USO1: variants seen among roughly 807,000 people sequenced by gnomAD.
The protein encoded by USO1 is general vesicular transport factor p115.
In USO1, 57 loss-of-function variants were observed where a neutral mutation model predicts 124.5. The observed-to-expected ratio is 0.46, with a 90% CI of 0.37 to 0.57. The LOEUF is 0.57. USO1 is among the 20% of genes least tolerant of loss of function. The probability of loss-of-function intolerance (pLI) is 0.00; values close to 1 mark genes in which losing one functional copy is unlikely to be tolerated. For synonymous variants in USO1, 369 were observed against 362.8 expected (o/e 1.02, Z -0.19); for missense variants, 900 against 1,040.6 (o/e 0.86, Z 1.86).
chr4:75,769,287 C>T (rs1436706353), intron 4 of USO1, among the ~76,000 whole-genome samples: 3 of 152,098 alleles, frequency 2.0e-5, no homozygotes, highest in African/African-American at 7.2e-5. Context: ...AATTCTTTTA[C>T]TGATATAAGA....
At chr4:75,760,446 C>T in intron 4 of USO1, 1 of 366,568 alleles carries the variant, frequency 2.7e-6, no homozygotes, top group East Asian at 3.9e-5. Context: ...AGGTATTTGA[C>T]CAAAGTACAT....
chr4:75,725,005 C>G, intron 1 of USO1, 120 bp downstream of exon 1: 1 of 1,051,366 alleles, frequency 9.5e-7, no homozygotes, highest in Non-Finnish European at 1.4e-6. Context: ...CCACATGCCG[C>G]CTCCCCCTTT....
intron 1 of USO1, among the ~76,000 whole-genome samples, chr4:75,739,925 A>G (rs1040101079): frequency 6.6e-6 from 1 of 152,204 alleles, no homozygotes; most frequent in Non-Finnish European, 1.5e-5. Context: ...AAGCACAAGA[A>G]GGCTGTGATG....
intron 20 of USO1, among the ~76,000 whole-genome samples, chr4:75,807,280 G>GT (rs1461226631): frequency 3.3e-5 from 5 of 152,054 alleles, no homozygotes; most frequent in African/African-American, 1.2e-4. Flanking sequence ...CCCTAAACAG[G>GT]TTCTGGGGTT....
intron 17 of USO1, 113 bp downstream of exon 17, chr4:75,801,313 A>G (rs1722844987): frequency 1.6e-6 from 2 of 1,265,950 alleles, no homozygotes; most frequent in Non-Finnish European, 2.1e-6. Context: ...AGCAAAACCC[A>G]TCATTTTTCA....
At chr4:75,774,114 T>C (rs1263231694) in intron 7 of USO1, among the ~76,000 whole-genome samples, 1 of 152,208 alleles carries the variant, frequency 6.6e-6, no homozygotes, top group Non-Finnish European at 1.5e-5. Context: ...AGGCAATGGC[T>C]GCTGTGAATT....
chr4:75,803,315 A>G (rs1722906191), intron 17 of USO1, among the ~76,000 whole-genome samples: 1 of 151,960 alleles, frequency 6.6e-6, no homozygotes, highest in Admixed American at 6.6e-5. Context: ...CAAATTTTAA[A>G]CCATGGATTG....
chr4:75,804,275 A>T lies in USO1; in HGVS notation c.2125+3A>T. The T allele has an allele frequency of 1.2e-6, 2 of 1,608,420 alleles. No homozygotes were observed. The highest frequency in any genetic ancestry group is 1.7e-6 in the Non-Finnish European group (2 of 1,177,358). ...TAATCTTCTTAAAATACAGCTAGGTAAGCATAGCTAAGCCATCACTATGAT... is the reference window on the plus strand; with the variant it reads ...TAATCTTCTTAAAATACAGCTAGGTTAGCATAGCTAAGCCATCACTATGAT... On this transcript the variant is annotated splice_donor_region_variant and intron_variant, in intron 18 of 23. Transcript: ENST00000514213.
intron 1 of USO1, among the ~76,000 whole-genome samples, chr4:75,725,336 C>T (rs969386278): frequency 3.3e-5 from 5 of 152,164 alleles, no homozygotes; most frequent in African/African-American, 1.2e-4. Context: ...GGGAAAACTG[C>T]GAGAAGGTTT....
At chr4:75,781,953 T>C (rs182764335) in intron 8 of USO1, among the ~76,000 whole-genome samples, 26 of 152,264 alleles carry the variant, frequency 1.7e-4, no homozygotes, top group Admixed American at 1.6e-3. Context: ...GAGTTTTCAC[T>C]GTGATAATAG....
chr4:75,734,458 TTAGTTTTGGGTTCTCTATCCTGTTCCA>T (rs1490968494), intron 1 of USO1, among the ~76,000 whole-genome samples: 20 of 152,202 alleles, frequency 1.3e-4, no homozygotes, highest in Non-Finnish European at 2.2e-4. Flanking sequence ...GTGTGTGGCT[TTAGTTTTGGGTTCTCTATCCTGTTCCA>T]TTGCTCCATG....
In USO1 at chr4:75,811,555, G is replaced by A. The variant is rs140314479; in HGVS notation, c.2584-605G>A. Among the ~76,000 whole-genome samples the A allele has an allele frequency of 3.5e-3, 529 of 152,320 alleles. 1 individual carries two copies. Among genetic ancestry groups the A allele is most frequent in the African/African-American group, 0.012 (481 of 41,572 alleles). ...GCCACATGTAGGCTTTCCATAAGCC[G>A]TGGAACATAGGCACATTAAATCCTG... On this transcript the variant is annotated intron_variant, in intron 22 of 23. Transcript: ENST00000514213.
intron 1 of USO1, among the ~76,000 whole-genome samples, chr4:75,743,178 G>T (rs1308558474): frequency 1.3e-5 from 2 of 151,888 alleles, no homozygotes; most frequent in Admixed American, 6.6e-5. Context: ...GTAGAGACAG[G>T]GTTTCACCGT....
intron 15 of USO1, 49 bp downstream of exon 15, chr4:75,800,518 CTTT>C (rs35563762): frequency 1.2e-3 from 1,676 of 1,371,904 alleles, no homozygotes; most frequent in South Asian, 5.2e-3. Context: ...GATAATGATG[CTTT>C]TTTTTTTTTT....
At chr4:75,728,760 A>G (rs1720538179) in intron 1 of USO1, among the ~76,000 whole-genome samples, 1 of 151,972 alleles carries the variant, frequency 6.6e-6, no homozygotes, top group Admixed American at 6.6e-5. Context: ...TCCACATTAA[A>G]CTTTTTCTGT....
chr4:75,812,754 T>C (rs1385349313), intron 23 of USO1, among the ~76,000 whole-genome samples: 2 of 152,196 alleles, frequency 1.3e-5, no homozygotes, highest in African/African-American at 4.8e-5. Context: ...ATATTAGAAA[T>C]GACAGAGAGC....
intron 3 of USO1, among the ~76,000 whole-genome samples, chr4:75,756,297 ATG>A (rs1332702908): frequency 6.6e-6 from 1 of 152,098 alleles, no homozygotes; most frequent in African/African-American, 2.4e-5. Context: ...GAGCCAGAGA[ATG>A]TGGGTGGCCT....
At chr4:75,746,551 CTT>C (rs1560438571) in intron 1 of USO1, among the ~76,000 whole-genome samples, 1 of 152,158 alleles carries the variant, frequency 6.6e-6, no homozygotes, top group Non-Finnish European at 1.5e-5. Context: ...AAAATATAGA[CTT>C]GTGTATAGAC....
intron 1 of USO1, among the ~76,000 whole-genome samples, chr4:75,725,189 C>G (rs1367010245): frequency 2.0e-5 from 3 of 152,296 alleles, no homozygotes; most frequent in Middle Eastern, 3.4e-3. Flanking sequence ...GACGGATGCG[C>G]GGCCGAGCTG....
Sources: allele counts gnomAD v4.1 joint callset (sites outside exome capture counted in the v4.1 genomes callset), GRCh38; gene constraint gnomAD v4.1.1; transcripts MANE v1.5; gene names NCBI Gene and HGNC (gene_info 2026-07-23, HGNC 2026-07-21).